Variants in DOK7 observed in about 807,000 individuals in gnomAD.
The protein encoded by DOK7 is docking protein 7.
DOK7 carries 32 observed loss-of-function variants against 30.7 expected under a neutral mutation model. The observed-to-expected ratio is 1.04, with a 90% CI of 0.79 to 1.40. DOK7 has a LOEUF of 1.40. Among genes scored for constraint, DOK7 ranks in the 40% most tolerant of loss-of-function variants. The pLI, the probability that DOK7 is intolerant of heterozygous loss-of-function variation, is 0.00. For synonymous variants in DOK7, 447 were observed against 324.1 expected (o/e 1.38, Z -4.07); for missense variants, 1,007 against 699.2 (o/e 1.44, Z -4.97).
At position 3,492,753 on chromosome 4, in the gene DOK7, T is replaced by G; in HGVS notation, c.773-6T>G. ...ACAACTGCCTTGGCTTCCTGCTCTGTCTCAGGGGATGACCGCAGCCTGTCC... is the reference window on the plus strand; with the variant it reads ...ACAACTGCCTTGGCTTCCTGCTCTGGCTCAGGGGATGACCGCAGCCTGTCC... On this transcript the variant is annotated splice_polypyrimidine_tract_variant and splice_region_variant and intron_variant, in intron 6 of 6. Coordinates refer to ENST00000340083, the MANE Select transcript of DOK7 (RefSeq NM_173660.5). 1 of 1,612,260 alleles carries G rather than the reference T, an allele frequency of 6.2e-7. No individual in the cohort carries two copies. The highest frequency in any genetic ancestry group is 8.5e-7 in the Non-Finnish European group (1 of 1,179,966).
intron 2 of DOK7, among the ~76,000 whole-genome samples, chr4:3,465,617 C>T (rs1726220303): frequency 6.6e-6 from 1 of 152,254 alleles, no homozygotes. Context: ...GTGAGCACGT[C>T]TTTCTGTTAT....
rs760236131 is a variant in DOK7 at position 3,473,518 on chromosome 4, C to T, written c.213C>T (p.Tyr71=). ...GCGGGCTGGAGCCCGGCCTGCCCTA[C>T]GAGGGCCTGGTCCACACGCTGGCCA... is the stretch of plus-strand genomic sequence containing the variant. ...DICGLEPGLP[Y]EGLVHTLAIV... is the part of the protein sequence containing the mutation. The change falls in exon 3 of 7, where the codon TAC becomes TAT. Residue 71 remains tyrosine, a synonymous_variant. Coordinates refer to ENST00000340083, the MANE Select transcript of DOK7 (RefSeq NM_173660.5). 127 of 1,611,140 alleles carry T rather than the reference C, an allele frequency of 7.9e-5. No homozygotes were observed. Among genetic ancestry groups the T allele is most frequent in the Non-Finnish European group, 9.9e-5 (117 of 1,179,782 alleles).
At chr4:3,497,711 G>A (rs879365530), downstream of DOK7, among the ~76,000 whole-genome samples, 3 of 152,046 alleles carry the variant, frequency 2.0e-5, no homozygotes, top group South Asian at 2.1e-4. Flanking sequence ...TGGGGGAGGC[G>A]CCCAGGCAGG....
chr4:3,476,514 C>G lies in DOK7; in HGVS notation c.504C>G (p.Ile168Met). ...RRYGAVPSGFIFEGGTRCGYW... is the reference protein window; with the variant it reads ...RRYGAVPSGFMFEGGTRCGYW... Reference sequence around the variant, plus strand: ...ACGGGGCCGTGCCAAGCGGATTCATCTTTGAAGGCGGGACCAGGTGTGGGT... The same window carrying G: ...ACGGGGCCGTGCCAAGCGGATTCATGTTTGAAGGCGGGACCAGGTGTGGGT... Residue 168 changes from isoleucine (I) to methionine (M), a missense_variant, in exon 4 of 7, where the codon ATC becomes ATG. Transcript: ENST00000340083. 1 of 1,613,956 alleles carries G rather than the reference C, an allele frequency of 6.2e-7. No homozygotes were observed. The highest frequency in any genetic ancestry group is 8.5e-7 in the Non-Finnish European group (1 of 1,180,030).
chr4:3,489,130 C>A (rs138297843), intron 5 of DOK7, among the ~76,000 whole-genome samples: 1 of 152,134 alleles, frequency 6.6e-6, no homozygotes, highest in African/African-American at 2.4e-5. Flanking sequence ...AGGGGAGGGG[C>A]TAGGTGGGGC....
At chr4:3,469,123 CAT>C (rs1357722588) in intron 2 of DOK7, among the ~76,000 whole-genome samples, 1 of 141,992 alleles carries the variant, frequency 7.0e-6, no homozygotes, top group Non-Finnish European at 1.5e-5. Flanking sequence ...TGTGTGCACA[CAT>C]TGTGTGTGTG....
rs1728711709 is a variant in DOK7 at position 3,493,734 on chromosome 4, A to T, written c.*233A>T. On this transcript the variant is annotated 3_prime_UTR_variant, in exon 7 of 7. Coordinates refer to ENST00000340083, the MANE Select transcript of DOK7 (RefSeq NM_173660.5). Reference sequence around the variant, plus strand: ...GCTCTGGGTCCGGCAGGTCGGGGTCACCAGAGCCCCAATGCTCAGCTGCTT... The same window carrying T: ...GCTCTGGGTCCGGCAGGTCGGGGTCTCCAGAGCCCCAATGCTCAGCTGCTT... 9 of 1,421,964 alleles carry T rather than the reference A, an allele frequency of 6.3e-6. No homozygotes were observed. Among genetic ancestry groups the T allele is most frequent in the Non-Finnish European group, 8.2e-6 (9 of 1,092,346 alleles). The allele number at this position is 1,421,964 out of a possible 1,614,324, so 88.1% of individuals were successfully genotyped here.
chr4:3,489,701 CTGTGGAGGAGCG>C lies in DOK7; in HGVS notation c.683_694del (p.Glu228_Val231del). On this transcript the variant is annotated inframe_deletion, in exon 6 of 7. Transcript: ENST00000340083. ...GACCCAAGTCCCCCGGGACCCTCGA[CTGTGGAGGAGCG>C]TGTGGCCCAGGAAGCCCTGGAAACC... The C allele has an allele frequency of 6.4e-7, 1 of 1,564,594 alleles. No individual in the cohort carries two copies.
chr4:3,485,245 G>A (rs1577164917), intron 4 of DOK7: 2 of 334,168 alleles, frequency 6.0e-6, no homozygotes, highest in Non-Finnish European at 1.1e-5. Context: ...GACCTAGGAT[G>A]GGCGGGGCAG....
chr4:3,468,665 TGC>T, intron 2 of DOK7, among the ~76,000 whole-genome samples: 1 of 112,186 alleles, frequency 8.9e-6, no homozygotes, highest in Non-Finnish European at 2.1e-5. Context: ...TGAGTGTGTG[TGC>T]CTGTGTGCAT....
At chr4:3,490,448 CCTGCTCATTCATTCCTTTCTTCTCCCT>C (rs1392602610) in intron 6 of DOK7, among the ~76,000 whole-genome samples, 1,489 of 101,378 alleles carry the variant, frequency 0.015, 22 homozygotes, top group Middle Eastern at 0.03. Flanking sequence ...TCATTTCTCT[CCTGCTCATTCATTCCTTTCTTCTCCCT>C]CTGCTCATTC....
At chr4:3,467,911 C>T (rs1045188200) in intron 2 of DOK7, among the ~76,000 whole-genome samples, 1 of 152,094 alleles carries the variant, frequency 6.6e-6, no homozygotes, top group Admixed American at 6.5e-5. Context: ...CCCTGGGGCC[C>T]CCTCATCAGG....
chr4:3,493,578 C>G lies in DOK7; in HGVS notation c.*77C>G. The G allele has an allele frequency of 1.9e-6, 3 of 1,561,534 alleles. No homozygotes were observed. Among genetic ancestry groups the G allele is most frequent in the Non-Finnish European group, 2.6e-6 (3 of 1,153,112 alleles). ...TGGCAGAGGAAGTGGCGCCAGCCTC[C>G]TTGCAGACTGGTGCTCTGTGTTCTG... On this transcript the variant is annotated 3_prime_UTR_variant, in exon 7 of 7. Transcript: ENST00000340083.
At chr4:3,489,915 TTC>T in intron 6 of DOK7, 119 bp downstream of exon 6, 1 of 1,427,824 alleles carries the variant, frequency 7.0e-7, no homozygotes, top group Non-Finnish European at 9.3e-7. Flanking sequence ...CATTCATTCC[TTC>T]TGTCTCCTGC....
chr4:3,483,701 T>C (rs1157183159), intron 4 of DOK7, among the ~76,000 whole-genome samples: 1 of 152,234 alleles, frequency 6.6e-6, no homozygotes, highest in African/African-American at 2.4e-5. Flanking sequence ...CTGCCAGCTG[T>C]CTGTAAGCTC....
chr4:3,467,381 G>T (rs1012398386), intron 2 of DOK7, among the ~76,000 whole-genome samples: 4 of 149,864 alleles, frequency 2.7e-5, no homozygotes, highest in Non-Finnish European at 5.9e-5. Flanking sequence ...AGAAGCCTGC[G>T]TCCAACTGCC....
intron 6 of DOK7, among the ~76,000 whole-genome samples, chr4:3,490,876 A>C (rs1308212835): frequency 4.8e-5 from 3 of 63,060 alleles, no homozygotes; most frequent in African/African-American, 6.6e-5. Flanking sequence ...TTCCTTCATT[A>C]CCCTCCTGCT....
Position 3,491,340 on chromosome 4 carries a change from TCTTCGCCTGCTTGTTCCTTCCTTCCTCTG to T in DOK7, c.773-1416_773-1388del, listed in dbSNP as rs1269574265. 6.8e-3 allele frequency among the ~76,000 whole-genome samples: 423 copies of T among 62,454 alleles called. 3 individuals carry two copies. Among genetic ancestry groups the T allele is most frequent in the African/African-American group, 0.018 (398 of 21,676 alleles). 41.0% of individuals were successfully genotyped at this position (62,454 alleles called of 152,430 possible). ...TCCCCCTGCTCATTCATTCCTTCCT[TCTTCGCCTGCTTGTTCCTTCCTTCCTCTG>T]CTCCCCCTGCTCGTTCATTCCTTCC... On this transcript the variant is annotated intron_variant, in intron 6 of 6. Coordinates refer to ENST00000340083, the MANE Select transcript of DOK7 (RefSeq NM_173660.5).
chr4:3,496,250 CAGG>C (rs1728905332), downstream of DOK7, among the ~76,000 whole-genome samples: 1 of 152,210 alleles, frequency 6.6e-6, no homozygotes, highest in Non-Finnish European at 1.5e-5. Context: ...TTCAGAGGCC[CAGG>C]AGAAGGTCGC....
Sources: gnomAD v4.1 joint callset for allele counts (sites outside exome capture counted in the v4.1 genomes callset) on GRCh38, gnomAD v4.1.1 for gene constraint, MANE v1.5 for transcripts, NCBI Gene and HGNC (gene_info 2026-07-23, HGNC 2026-07-21) for gene names.